The following PRKG1 variants were observed in gnomAD, a reference collection of about 807,000 sequenced individuals.
PRKG1 encodes the protein cGMP-dependent protein kinase 1.
A neutral mutation model predicts 88.1 loss-of-function variants in PRKG1; 35 were observed. The observed-to-expected ratio is 0.40, with a 90% CI of 0.30 to 0.53. The LOEUF (loss-of-function observed/expected upper bound fraction) is 0.53, where lower values mean the gene tolerates loss of function less well. Among genes scored for constraint, PRKG1 ranks in the 20% least tolerant of loss-of-function variants. The probability of loss-of-function intolerance (pLI) is 0.59; values close to 1 mark genes in which losing one functional copy is unlikely to be tolerated. For synonymous variants in PRKG1, 303 were observed against 292.5 expected (o/e 1.04, Z -0.37); for missense variants, 540 against 839.8 (o/e 0.64, Z 4.41).
intron 3 of PRKG1, among the ~76,000 whole-genome samples, chr10:51,517,100 A>G (rs993078163): frequency 4.6e-5 from 7 of 152,228 alleles, no homozygotes; most frequent in Non-Finnish European, 8.8e-5. Flanking sequence ...TGACAAATTA[A>G]GAAGAGAAAA....
At chr10:51,272,359 G>T (rs190728179) in intron 2 of PRKG1, among the ~76,000 whole-genome samples, 2 of 151,274 alleles carry the variant, frequency 1.3e-5, no homozygotes, top group African/African-American at 4.9e-5. Context: ...CTTATCGTGG[G>T]GTGGGGGGCT....
chr10:51,982,214 C>A (rs531102892), intron 5 of PRKG1, among the ~76,000 whole-genome samples: 1 of 152,272 alleles, frequency 6.6e-6, no homozygotes, highest in South Asian at 2.1e-4. Context: ...GCTCCTGTAT[C>A]ATTTTATTGT....
intron 2 of PRKG1, among the ~76,000 whole-genome samples, chr10:51,184,997 T>G (rs564266607): frequency 3.9e-5 from 6 of 152,162 alleles, no homozygotes; most frequent in Admixed American, 1.3e-4. Flanking sequence ...TTTAGGTTAT[T>G]AACTTTACAG....
intron 2 of PRKG1, among the ~76,000 whole-genome samples, chr10:51,155,161 T>C (rs2131978683): frequency 6.6e-6 from 1 of 152,140 alleles, no homozygotes; most frequent in South Asian, 2.1e-4. Context: ...CACCTGTGGA[T>C]TCAATGTTCC....
chr10:51,587,768 G>C (rs1044379299), intron 3 of PRKG1, among the ~76,000 whole-genome samples: 4 of 152,100 alleles, frequency 2.6e-5, no homozygotes, highest in African/African-American at 7.2e-5. Context: ...ATTTGACCTG[G>C]ACGAGTTTCA....
chr10:51,631,400 T>C (rs1839522995), intron 3 of PRKG1, among the ~76,000 whole-genome samples: 1 of 152,196 alleles, frequency 6.6e-6, no homozygotes, highest in East Asian at 1.9e-4. Context: ...CTAAAATTAG[T>C]GTCGGATTCT....
intron 10 of PRKG1, among the ~76,000 whole-genome samples, chr10:52,268,656 G>A (rs1321552904): frequency 6.6e-6 from 1 of 151,942 alleles, no homozygotes; most frequent in African/African-American, 2.4e-5. Flanking sequence ...TTCAGCTGAA[G>A]GGAAGCAGCA....
intron 5 of PRKG1, among the ~76,000 whole-genome samples, chr10:51,952,656 G>A (rs1843212599): frequency 6.6e-6 from 1 of 152,118 alleles, no homozygotes; most frequent in Admixed American, 6.6e-5. Context: ...TTAATTAGAA[G>A]TAGAGATTAA....
At chr10:52,128,781 A>G (rs1837172796) in intron 7 of PRKG1, among the ~76,000 whole-genome samples, 1 of 152,190 alleles carries the variant, frequency 6.6e-6, no homozygotes, top group African/African-American at 2.4e-5. Flanking sequence ...AGTATTTATT[A>G]ACTGCACACC....
At chr10:51,120,631 A>G (rs16914255) in intron 1 of PRKG1, among the ~76,000 whole-genome samples, 4,667 of 152,256 alleles carry the variant, frequency 0.031, 98 homozygotes, top group Non-Finnish European at 0.046. Flanking sequence ...TTAAGTTTCT[A>G]TAATGGACTT....
At chr10:51,659,687 G>A (rs1255788610) in intron 3 of PRKG1, among the ~76,000 whole-genome samples, 1 of 152,064 alleles carries the variant, frequency 6.6e-6, no homozygotes, top group Non-Finnish European at 1.5e-5. Flanking sequence ...GAAGTTTGAA[G>A]CCTATTCCAA....
intron 2 of PRKG1, among the ~76,000 whole-genome samples, chr10:51,349,470 G>GTATA (rs750783427): frequency 3.4e-5 from 5 of 147,938 alleles, no homozygotes; most frequent in East Asian, 2.0e-4. Context: ...GTGTGTGTGT[G>GTATA]TGTGTGTGTG....
chr10:51,540,927 C>T (rs557955178), intron 3 of PRKG1, among the ~76,000 whole-genome samples: 3 of 152,266 alleles, frequency 2.0e-5, no homozygotes, highest in Non-Finnish European at 2.9e-5. Context: ...CCATGTTGAT[C>T]AGGCTGGTCT....
chr10:52,225,811 A>C (rs1840373971), intron 9 of PRKG1, among the ~76,000 whole-genome samples: 1 of 151,930 alleles, frequency 6.6e-6, no homozygotes, highest in Admixed American at 6.6e-5. Flanking sequence ...ATTTGGGTTT[A>C]TTTCTGGGCT....
At chr10:52,159,619 A>G (rs1838226635) in intron 8 of PRKG1, among the ~76,000 whole-genome samples, 2 of 151,744 alleles carry the variant, frequency 1.3e-5, no homozygotes, top group Admixed American at 6.6e-5. Flanking sequence ...TGGAGTTTTA[A>G]TCTAGCTTAG....
intron 1 of PRKG1, among the ~76,000 whole-genome samples, chr10:51,007,769 G>T (rs1348424943): frequency 1.3e-5 from 2 of 152,208 alleles, no homozygotes; most frequent in African/African-American, 4.8e-5. Flanking sequence ...TGGAGACAAA[G>T]TCAAATTTAA....
chr10:51,711,539 A>G (rs920204034), intron 3 of PRKG1, among the ~76,000 whole-genome samples: 2 of 152,164 alleles, frequency 1.3e-5, no homozygotes, highest in African/African-American at 4.8e-5. Flanking sequence ...CCTGTTGTCT[A>G]GGTAGAGGAG....
intron 1 of PRKG1, among the ~76,000 whole-genome samples, chr10:51,079,368 G>C (rs1844048068): frequency 6.6e-6 from 1 of 152,210 alleles, no homozygotes; most frequent in African/African-American, 2.4e-5. Flanking sequence ...AACTCATGTG[G>C]AAGTAGAAGG....
chr10:51,624,756 G>A (rs1342882261), intron 3 of PRKG1, among the ~76,000 whole-genome samples: 1 of 152,208 alleles, frequency 6.6e-6, no homozygotes, highest in Non-Finnish European at 1.5e-5. Flanking sequence ...ACAACAGACT[G>A]TTATGAAATC....
Sources: gnomAD v4.1 joint callset for allele counts (sites outside exome capture counted in the v4.1 genomes callset) on GRCh38, gnomAD v4.1.1 for gene constraint, MANE v1.5 for transcripts, NCBI Gene and HGNC (gene_info 2026-07-23, HGNC 2026-07-21) for gene names.